FRMD4A: variants seen among roughly 807,000 people sequenced by gnomAD.
The protein encoded by FRMD4A is FERM domain-containing protein 4A.
In FRMD4A, 29 loss-of-function variants were observed where a neutral mutation model predicts 129.1. The observed-to-expected ratio is 0.22, with a 90% CI of 0.17 to 0.31. FRMD4A has a LOEUF of 0.31. FRMD4A is among the 10% of genes least tolerant of loss of function. The pLI is 1.00. For missense variants in FRMD4A, 1,272 were observed against 1,375.8 expected (o/e 0.92, Z 1.19); for synonymous variants, 634 against 571.6 (o/e 1.11, Z -1.56).
chr10:14,092,262 G>A (rs908904960), intron 2 of FRMD4A, among the ~76,000 whole-genome samples: 7 of 152,172 alleles, frequency 4.6e-5, no homozygotes, highest in Non-Finnish European at 8.8e-5. Flanking sequence ...CTCAGCACTC[G>A]GGTTCTATTC....
chr10:13,884,154 T>TCACTCACACACACACACA (rs1564970810), intron 2 of FRMD4A, among the ~76,000 whole-genome samples: 1 of 111,156 alleles, frequency 9.0e-6, no homozygotes, highest in Non-Finnish European at 1.8e-5. Context: ...TCTCACACAC[T>TCACTCACACACACACACA]CTCACACACA....
chr10:14,216,281 C>T (rs967835214), intron 2 of FRMD4A, among the ~76,000 whole-genome samples: 14 of 152,166 alleles, frequency 9.2e-5, no homozygotes, highest in Non-Finnish European at 1.6e-4. Flanking sequence ...AGCACCCCGA[C>T]ATTTTAGGAC....
chr10:13,777,332 T>C (rs113792091), intron 6 of FRMD4A, among the ~76,000 whole-genome samples: 9 of 90,570 alleles, frequency 9.9e-5, no homozygotes, highest in African/African-American at 3.0e-4. Context: ...TCAAATATCA[T>C]AGTATATATA....
At chr10:14,095,874 A>T (rs1836930225) in intron 2 of FRMD4A, among the ~76,000 whole-genome samples, 1 of 152,244 alleles carries the variant, frequency 6.6e-6, no homozygotes, top group African/African-American at 2.4e-5. Context: ...AAATGGCCAG[A>T]GCACTCACTG....
At chr10:14,082,140 G>C (rs1037802134) in intron 2 of FRMD4A, among the ~76,000 whole-genome samples, 4 of 152,104 alleles carry the variant, frequency 2.6e-5, no homozygotes, top group Non-Finnish European at 5.9e-5. Context: ...CCAGCTACTT[G>C]GGAGGCTGAG....
chr10:14,102,475 TC>T (rs2131777296), intron 2 of FRMD4A, among the ~76,000 whole-genome samples: 1 of 152,272 alleles, frequency 6.6e-6, no homozygotes, highest in African/African-American at 2.4e-5. Context: ...ATTGAGTAAT[TC>T]CCTACTTATT....
chr10:13,717,727 G>A (rs1241438259), intron 12 of FRMD4A, among the ~76,000 whole-genome samples: 2 of 148,820 alleles, frequency 1.3e-5, no homozygotes, highest in African/African-American at 2.5e-5. Flanking sequence ...GTGGCGGGGG[G>A]GGTTGGCAGT....
At chr10:14,030,778 C>T (rs1247717830) in intron 2 of FRMD4A, among the ~76,000 whole-genome samples, 1 of 152,224 alleles carries the variant, frequency 6.6e-6, no homozygotes, top group Non-Finnish European at 1.5e-5. Context: ...CCTTATTCTT[C>T]CATGTTTGTG....
In FRMD4A at chr10:13,995,807, A is replaced by G. The variant is rs190624188; in HGVS notation, c.46-136895T>C. The stretch of plus-strand genomic sequence containing the variant: ...TTCAAATCGACAAGTGCCCGTATGC[A>G]TTTCCAGACTGCTTTTTTTTTTTTT... On this transcript the variant is annotated intron_variant, in intron 2 of 24. Transcript: ENST00000357447. Among the ~76,000 whole-genome samples, 30 of 146,666 alleles carry G rather than the reference A, an allele frequency of 2.0e-4. 1 individual carries two copies. The highest frequency in any genetic ancestry group is 1.7e-3 in the Admixed American group (25 of 14,292).
At position 14,217,321 on chromosome 10, in the gene FRMD4A, G is replaced by A. The variant is rs188800238; in HGVS notation, c.45+112737C>T. Among the ~76,000 whole-genome samples the A allele has an allele frequency of 2.8e-3, 419 of 152,252 alleles. 2 individuals carry two copies. Among genetic ancestry groups the A allele is most frequent in the Non-Finnish European group, 4.7e-3 (317 of 68,028 alleles). On this transcript the variant is annotated intron_variant, in intron 2 of 24. Coordinates refer to ENST00000357447, the MANE Select transcript of FRMD4A (RefSeq NM_018027.5). ...AGCTCCCATAATTCCCACATGTTGT[G>A]GGAGGGACCCAGTGGGAGATCACTG... is the stretch of plus-strand genomic sequence containing the variant.
At chr10:13,741,404 T>G (rs916370247) in intron 9 of FRMD4A, among the ~76,000 whole-genome samples, 45 of 152,030 alleles carry the variant, frequency 3.0e-4, no homozygotes, top group Non-Finnish European at 1.3e-4. Context: ...TGAGCTACAA[T>G]TGCACCACTG....
chr10:14,060,222 A>G (rs1834742565), intron 2 of FRMD4A, among the ~76,000 whole-genome samples: 1 of 152,222 alleles, frequency 6.6e-6, no homozygotes, highest in Non-Finnish European at 1.5e-5. Flanking sequence ...TTTCATAAGA[A>G]GGATAAAGAT....
At chr10:13,806,384 C>A (rs989896947) in intron 4 of FRMD4A, among the ~76,000 whole-genome samples, 1 of 152,096 alleles carries the variant, frequency 6.6e-6, no homozygotes, top group African/African-American at 2.4e-5. Flanking sequence ...GGGATGGATG[C>A]CAGTGTTTGA....
intron 2 of FRMD4A, among the ~76,000 whole-genome samples, chr10:14,196,073 A>G (rs144036969): frequency 1.3e-5 from 2 of 152,248 alleles, no homozygotes; most frequent in African/African-American, 4.8e-5. Flanking sequence ...AGACTGCAAA[A>G]ACAAATTCTG....
At chr10:14,026,150 C>G (rs12765902) in intron 2 of FRMD4A, among the ~76,000 whole-genome samples, 31,854 of 151,998 alleles carry the variant, frequency 0.21, 3,723 homozygotes, top group East Asian at 0.41. Context: ...CTCATGAGAT[C>G]GAGAGGGAAA....
At chr10:14,260,337 A>G (rs1410069432) in intron 2 of FRMD4A, among the ~76,000 whole-genome samples, 1 of 152,174 alleles carries the variant, frequency 6.6e-6, no homozygotes, top group African/African-American at 2.4e-5. Context: ...CACAAGCAAA[A>G]CTATCCAGCA....
At chr10:13,658,824 G>A (rs1471000145) in intron 21 of FRMD4A, among the ~76,000 whole-genome samples, 1 of 150,016 alleles carries the variant, frequency 6.7e-6, no homozygotes, top group Non-Finnish European at 1.5e-5. Flanking sequence ...AGAGGTTGCA[G>A]CGAGCCAAGA....
At chr10:14,267,186 G>A (rs1241382929) in intron 2 of FRMD4A, among the ~76,000 whole-genome samples, 1 of 152,144 alleles carries the variant, frequency 6.6e-6, no homozygotes, top group Non-Finnish European at 1.5e-5. Context: ...CAAGCTCTTG[G>A]GATTTTTAAA....
At chr10:13,763,527 A>G (rs1366089891) in intron 6 of FRMD4A, among the ~76,000 whole-genome samples, 1 of 152,142 alleles carries the variant, frequency 6.6e-6, no homozygotes, top group Non-Finnish European at 1.5e-5. Context: ...AGAAAGTTCT[A>G]TTGGTCAGCA....
Sources: allele counts gnomAD v4.1 joint callset (sites outside exome capture counted in the v4.1 genomes callset), GRCh38; gene constraint gnomAD v4.1.1; transcripts MANE v1.5; gene names NCBI Gene and HGNC (gene_info 2026-07-23, HGNC 2026-07-21).